ADGRF4: variants seen among roughly 807,000 people sequenced by gnomAD.
ADGRF4 encodes G-protein coupled receptor PGR18.
A neutral mutation model predicts 58.5 loss-of-function variants in ADGRF4; 63 were observed. The observed-to-expected ratio is 1.08, with a 90% CI of 0.88 to 1.33. The LOEUF (loss-of-function observed/expected upper bound fraction) is 1.33, where lower values mean the gene tolerates loss of function less well. Among genes scored for constraint, ADGRF4 ranks in the 40% most tolerant of loss-of-function variants. The pLI is 0.00. For missense variants in ADGRF4, 931 were observed against 843.9 expected (o/e 1.10, Z -1.28); for synonymous variants, 313 against 295.4 (o/e 1.06, Z -0.61).
At chr6:47,703,529 C>T (rs1390439812) in intron 1 of ADGRF4, among the ~76,000 whole-genome samples, 1 of 152,182 alleles carries the variant, frequency 6.6e-6, no homozygotes, top group East Asian at 1.9e-4. Flanking sequence ...TGGGTAATGT[C>T]ACTGAATATT....
chr6:47,717,225 A>G, intron 7 of ADGRF4, 67 bp from the exon 8 acceptor site: 1 of 1,129,066 alleles, frequency 8.9e-7, no homozygotes, highest in South Asian at 1.2e-5. Flanking sequence ...TTAAAGTTTC[A>G]GGACAGGCAA....
intron 4 of ADGRF4, among the ~76,000 whole-genome samples, chr6:47,711,719 C>G (rs1296933598): frequency 6.6e-6 from 1 of 152,154 alleles, no homozygotes; most frequent in Non-Finnish European, 1.5e-5. Context: ...TCTACCTCCC[C>G]TGCAATCCCA....
chr6:47,716,529 T>C (rs1190516228), intron 6 of ADGRF4, among the ~76,000 whole-genome samples: 2 of 152,208 alleles, frequency 1.3e-5, no homozygotes, highest in Admixed American at 1.3e-4. Context: ...GAAAGTAACA[T>C]AACTGCATAA....
At chr6:47,703,918 C>T (rs1210487441) in intron 1 of ADGRF4, among the ~76,000 whole-genome samples, 4 of 152,188 alleles carry the variant, frequency 2.6e-5, no homozygotes, top group African/African-American at 9.7e-5. Context: ...CATTTTTAGA[C>T]TTCACAAATG....
chr6:47,707,245 T>C lies in ADGRF4; in HGVS notation c.-1T>C, dbSNP rs1374176035. 3.7e-6 allele frequency: 6 copies of C among 1,600,908 alleles called. No individual in the cohort carries two copies. The highest frequency in any genetic ancestry group is 1.7e-4 in the Middle Eastern group (1 of 6,020). On this transcript the variant is annotated 5_prime_UTR_variant, in exon 2 of 10. Coordinates refer to ENST00000283303, the MANE Select transcript of ADGRF4 (RefSeq NM_153838.5). ...TCTATTGCAGGTGAAGATCCTCATG[T>C]ATGAAAATGAAGTCCCAGGCAACCA...
In ADGRF4 at chr6:47,712,552, T is replaced by C; in HGVS notation, c.496T>C (p.Leu166=). 10 of 1,603,744 alleles carry C rather than the reference T, an allele frequency of 6.2e-6. No individual in the cohort carries two copies. Among genetic ancestry groups the C allele is most frequent in the South Asian group, 2.2e-5 (2 of 90,858 alleles). ...TSGNIAFIVE[L]LKNISTDLSD... ...TGGAAATATTGCATTTATAGTGGAG[T>C]TATTAAAAAATATTTCTACAGACTT... Residue 166 remains leucine (L), a synonymous_variant, in exon 5 of 10, where the codon TTA becomes CTA. Coordinates refer to ENST00000283303, the MANE Select transcript of ADGRF4 (RefSeq NM_153838.5).
intron 5 of ADGRF4, among the ~76,000 whole-genome samples, chr6:47,713,507 T>G (rs1217844988): frequency 6.6e-6 from 1 of 152,176 alleles, no homozygotes; most frequent in Non-Finnish European, 1.5e-5. Context: ...CATTAAACAA[T>G]CATTAAAATC....
chr6:47,716,866 C>T lies in ADGRF4; in HGVS notation c.1974+19C>T, dbSNP rs1389608444. 1.3e-6 allele frequency: 2 copies of T among 1,554,652 alleles called. No homozygotes were observed. The highest frequency in any genetic ancestry group is 1.4e-5 in the African/African-American group (1 of 73,228). The stretch of plus-strand genomic sequence containing the variant: ...TCACAAGGTAATTTGAATTTGCTTC[C>T]TCCTTATAAATGGTTTTCATGTGGC... On this transcript the variant is annotated intron_variant, in intron 7 of 9. Transcript: ENST00000283303.
At chr6:47,703,007 C>T (rs1282712058) in intron 1 of ADGRF4, among the ~76,000 whole-genome samples, 1 of 152,192 alleles carries the variant, frequency 6.6e-6, no homozygotes. Flanking sequence ...GGACAATTCT[C>T]ACTCTTCTTG....
chr6:47,715,368 T>A, intron 6 of ADGRF4, 191 bp downstream of exon 6: 1 of 524,864 alleles, frequency 1.9e-6, no homozygotes, highest in Non-Finnish European at 3.4e-6. Context: ...TGGGTGGAAA[T>A]CTCCTTCCTT....
Position 47,714,699 on chromosome 6 carries a change from T to G in ADGRF4, c.1454T>G (p.Leu485Arg). The G allele has an allele frequency of 6.2e-7, 1 of 1,614,032 alleles. No homozygotes were observed. Among genetic ancestry groups the G allele is most frequent in the Non-Finnish European group, 8.5e-7 (1 of 1,179,924 alleles). Residue 485 changes from leucine (L) to arginine (R), a missense_variant, in exon 6 of 10, where the codon CTC becomes CGC. Transcript: ENST00000283303. ...AVTFFSHFFY[L>R]SLFFWMLFKA... ...ACATTTTTCAGCCACTTTTTCTACC[T>G]CTCTCTGTTTTTCTGGATGCTCTTC...
chr6:47,717,368 T>C lies in ADGRF4; in HGVS notation c.2034+17T>C. Reference sequence around the variant, plus strand: ...GCAGCTGAGGTAAGCCTTCCCCTTTTAGTCTCAGCCCTGGAGAGTCCGTGT... The same window carrying C: ...GCAGCTGAGGTAAGCCTTCCCCTTTCAGTCTCAGCCCTGGAGAGTCCGTGT... On this transcript the variant is annotated intron_variant, in intron 8 of 9. Transcript: ENST00000283303. The C allele has an allele frequency of 2.5e-6, 4 of 1,579,304 alleles. No individual in the cohort carries two copies. Among genetic ancestry groups the C allele is most frequent in the Non-Finnish European group, 3.5e-6 (4 of 1,148,240 alleles).
At chr6:47,706,028 T>C (rs1386449412) in intron 1 of ADGRF4, among the ~76,000 whole-genome samples, 1 of 152,238 alleles carries the variant, frequency 6.6e-6, no homozygotes, top group African/African-American at 2.4e-5. Flanking sequence ...ATCTACATTT[T>C]ATGAAATGGA....
At position 47,712,466 on chromosome 6, in the gene ADGRF4, A is replaced by C; in HGVS notation, c.410A>C (p.Lys137Thr). 6.2e-7 allele frequency: 1 copy of C among 1,614,182 alleles called. No individual in the cohort carries two copies. The highest frequency in any genetic ancestry group is 8.5e-7 in the Non-Finnish European group (1 of 1,180,014). Reference protein sequence around the residue: ...TIESVAQGIRKNCPFDYACIT... With the variant: ...TIESVAQGIRTNCPFDYACIT... ...GAGAGTGTAGCTCAAGGAATCCGTA[A>C]GAACTGCCCCTTTGATTATGCCTGC... Residue 137 changes from lysine (K) to threonine (T), a missense_variant, in exon 5 of 10, where the codon AAG (lysine) becomes ACG (threonine). By Grantham distance (78) the Lys-to-Thr change is moderately conservative (BLOSUM62 -1). Coordinates refer to ENST00000283303, the MANE Select transcript of ADGRF4 (RefSeq NM_153838.5).
At chr6:47,704,484 T>G (rs1221638113) in intron 1 of ADGRF4, among the ~76,000 whole-genome samples, 1 of 152,174 alleles carries the variant, frequency 6.6e-6, no homozygotes, top group Non-Finnish European at 1.5e-5. Context: ...CTTTTCTCCT[T>G]GACACACACA....
intron 1 of ADGRF4, among the ~76,000 whole-genome samples, chr6:47,702,552 C>A (rs944542205): frequency 6.6e-6 from 1 of 152,176 alleles, no homozygotes; most frequent in Non-Finnish European, 1.5e-5. Flanking sequence ...GGTTGACAAA[C>A]AAATGGTGGA....
chr6:47,702,756 C>T (rs554271046), intron 1 of ADGRF4, among the ~76,000 whole-genome samples: 1 of 152,274 alleles, frequency 6.6e-6, no homozygotes, highest in Admixed American at 6.5e-5. Context: ...AGAGAATACA[C>T]AATTTTGTTG....
At chr6:47,700,613 C>T (rs1270304874) in intron 1 of ADGRF4, among the ~76,000 whole-genome samples, 2 of 152,176 alleles carry the variant, frequency 1.3e-5, no homozygotes, top group African/African-American at 4.8e-5. Flanking sequence ...GCGGACATCC[C>T]TAACCTGGCA....
At chr6:47,718,887 C>T (rs945093658) in intron 9 of ADGRF4, among the ~76,000 whole-genome samples, 1 of 152,058 alleles carries the variant, frequency 6.6e-6, no homozygotes. Context: ...ATAGCCAACC[C>T]CTGAGACATA....
Sources: gnomAD v4.1 joint callset for allele counts (sites outside exome capture counted in the v4.1 genomes callset) on GRCh38, gnomAD v4.1.1 for gene constraint, MANE v1.5 for transcripts, NCBI Gene and HGNC (gene_info 2026-07-23, HGNC 2026-07-21) for gene names.